Variants in GNG7 observed in about 807,000 individuals in gnomAD.
GNG7 encodes the protein guanine nucleotide-binding protein G(I)/G(S)/G(O) subunit gamma-7.
A neutral mutation model predicts 4.0 loss-of-function variants in GNG7; 1 was observed. The observed-to-expected ratio is 0.25, with a 90% CI of 0.09 to 1.18. GNG7 has a LOEUF of 1.18. GNG7 is among the 50% of genes most tolerant of loss of function. The pLI is 0.50. For synonymous variants in GNG7, 34 were observed against 36.9 expected (o/e 0.92, Z 0.29); for missense variants, 86 against 91.9 (o/e 0.94, Z 0.26).
At chr19:2,607,263 A>G (rs1981414638) in intron 2 of GNG7, among the ~76,000 whole-genome samples, 1 of 150,434 alleles carries the variant, frequency 6.6e-6, no homozygotes, top group Non-Finnish European at 1.5e-5. Context: ...CACACCTGTA[A>G]TCCCAGCACT....
chr19:2,513,098 G>A lies in GNG7; in HGVS notation c.*1924C>T, dbSNP rs535587793. 1.9e-5 allele frequency: 19 copies of A among 985,446 alleles called. No homozygotes were observed. In the African/African-American group the frequency reaches 3.0e-4, roughly 15 times the overall value. The allele number at this position is 985,446 out of a possible 1,614,324, so 61.0% of individuals were successfully genotyped here. ...CGGCTGTGGCCTGTGGGAGCTGCCC[G>A]AGGTTGAGGAGTGGAGGTCACTCCC... On this transcript the variant is annotated 3_prime_UTR_variant, in exon 5 of 5. Coordinates refer to ENST00000382159, the MANE Select transcript of GNG7 (RefSeq NM_052847.3).
At chr19:2,623,957 C>G (rs991990815) in intron 2 of GNG7, among the ~76,000 whole-genome samples, 1 of 152,146 alleles carries the variant, frequency 6.6e-6, no homozygotes, top group South Asian at 2.1e-4. Flanking sequence ...GACAGTCCAT[C>G]TGTTGATGGA....
chr19:2,699,359 G>T (rs1199573528), intron 1 of GNG7, among the ~76,000 whole-genome samples: 1 of 152,110 alleles, frequency 6.6e-6, no homozygotes, highest in Non-Finnish European at 1.5e-5. Flanking sequence ...ATGTTGGCCA[G>T]GATGGTCTTG....
chr19:2,555,909 G>A (rs549969201), intron 2 of GNG7, among the ~76,000 whole-genome samples: 362 of 151,814 alleles, frequency 2.4e-3, no homozygotes, highest in African/African-American at 8.2e-3. Flanking sequence ...CGGATCGCGA[G>A]GGGGGGCCCA....
At position 2,643,178 on chromosome 19, in the gene GNG7, G is replaced by T. The variant is rs76446395; in HGVS notation, c.-78+3046C>A. ...CCATGTGCACCAGAAATGCAAAGTC[G>T]GAGACCTCTCCGGGCTCTGCACACC... On this transcript the variant is annotated intron_variant, in intron 2 of 4. Coordinates refer to ENST00000382159, the MANE Select transcript of GNG7 (RefSeq NM_052847.3). The T allele has an allele frequency of 7.5e-3, 3,178 of 422,570 alleles. 14 individuals carry two copies. The highest frequency in any genetic ancestry group is 0.016 in the Middle Eastern group (47 of 2,904). 26.2% of individuals were successfully genotyped at this position (422,570 alleles called of 1,614,324 possible).
chr19:2,562,762 A>G (rs1979783047), intron 2 of GNG7, among the ~76,000 whole-genome samples: 1 of 152,270 alleles, frequency 6.6e-6, no homozygotes, highest in South Asian at 2.1e-4. Context: ...CTCTGCGTCC[A>G]TAATCCTCTG....
chr19:2,662,800 C>A (rs1983213417), intron 1 of GNG7, among the ~76,000 whole-genome samples: 1 of 152,132 alleles, frequency 6.6e-6, no homozygotes, highest in South Asian at 2.1e-4. Context: ...GCCCTTCTCC[C>A]CTCCCCAGAG....
intron 3 of GNG7, chr19:2,538,070 C>T: frequency 2.8e-6 from 1 of 362,386 alleles, no homozygotes. Flanking sequence ...GAGCAAGACT[C>T]TCTCTCAAAC....
intron 1 of GNG7, among the ~76,000 whole-genome samples, chr19:2,647,101 G>A (rs1053943999): frequency 3.9e-5 from 6 of 152,152 alleles, no homozygotes; most frequent in Non-Finnish European, 8.8e-5. Context: ...CGGGGGACTC[G>A]GGGGGACCCT....
At chr19:2,525,346 C>T (rs1201462239) in intron 3 of GNG7, among the ~76,000 whole-genome samples, 1 of 152,206 alleles carries the variant, frequency 6.6e-6, no homozygotes, top group African/African-American at 2.4e-5. Flanking sequence ...CCAGGCCAGG[C>T]TCTCCAAAAA....
chr19:2,650,261 C>T (rs947229885), intron 1 of GNG7, among the ~76,000 whole-genome samples: 51 of 149,888 alleles, frequency 3.4e-4, no homozygotes, highest in Non-Finnish European at 1.3e-4. Flanking sequence ...TCTCGGCTCA[C>T]GGCAACCTCC....
intron 1 of GNG7, among the ~76,000 whole-genome samples, chr19:2,688,812 T>A (rs931789976): frequency 2.6e-5 from 4 of 152,146 alleles, no homozygotes; most frequent in African/African-American, 9.7e-5. Context: ...CCGTCTGTCC[T>A]CCTAACACTT....
At chr19:2,690,155 A>G (rs1465495420) in intron 1 of GNG7, among the ~76,000 whole-genome samples, 2 of 151,924 alleles carry the variant, frequency 1.3e-5, no homozygotes, top group African/African-American at 4.8e-5. Context: ...GCCGAAGCGA[A>G]AGGATCACTT....
chr19:2,543,076 C>G (rs1046622780), intron 3 of GNG7, among the ~76,000 whole-genome samples: 5 of 151,792 alleles, frequency 3.3e-5, no homozygotes, highest in African/African-American at 1.2e-4. Context: ...CCACACCAGG[C>G]TTATTTTTTA....
intron 1 of GNG7, among the ~76,000 whole-genome samples, chr19:2,677,757 C>T (rs915875394): frequency 6.6e-6 from 1 of 152,008 alleles, no homozygotes; most frequent in Non-Finnish European, 1.5e-5. Flanking sequence ...GATTCTGCCC[C>T]CCATGGGGCA....
chr19:2,588,775 C>T (rs548224757), intron 2 of GNG7, among the ~76,000 whole-genome samples: 5 of 152,278 alleles, frequency 3.3e-5, no homozygotes, highest in South Asian at 2.1e-4. Flanking sequence ...CTGATCACAC[C>T]GCAGACCCCA....
At chr19:2,688,934 G>A (rs1913068306) in intron 1 of GNG7, among the ~76,000 whole-genome samples, 1 of 151,952 alleles carries the variant, frequency 6.6e-6, no homozygotes, top group South Asian at 2.1e-4. Flanking sequence ...GCACGGGGTT[G>A]CGTGCCTGTG....
Position 2,557,327 on chromosome 19 carries a change from A to G in GNG7, c.-77-2139T>C, listed in dbSNP as rs937759438. On this transcript the variant is annotated intron_variant, in intron 2 of 4. Coordinates refer to ENST00000382159, the MANE Select transcript of GNG7 (RefSeq NM_052847.3). This position sits in a 1 kb window ranked among gnomAD's most constrained non-coding sequence, Gnocchi z 5.1. Reference sequence around the variant, plus strand: ...CATACACGCACAGACACACATGTGCACACAGACACACACATGTGCACACAC... The same window carrying G: ...CATACACGCACAGACACACATGTGCGCACAGACACACACATGTGCACACAC... Among the ~76,000 whole-genome samples the G allele has an allele frequency of 2.2e-5, 2 of 92,012 alleles. No individual in the cohort carries two copies. The highest frequency in any genetic ancestry group is 1.1e-4 in the Admixed American group (1 of 8,868). The allele number at this position is 92,012 out of a possible 152,430, so 60.4% of individuals were successfully genotyped here.
intron 1 of GNG7, among the ~76,000 whole-genome samples, chr19:2,686,781 T>G (rs1326151760): frequency 6.7e-6 from 1 of 150,036 alleles, no homozygotes; most frequent in African/African-American, 2.5e-5. Context: ...AGACAGAGTC[T>G]CGCTCTCTCG....
Sources: allele counts gnomAD v4.1 joint callset (sites outside exome capture counted in the v4.1 genomes callset), GRCh38; gene constraint gnomAD v4.1.1; non-coding constraint Gnocchi (gnomAD v3.1); transcripts MANE v1.5; gene names NCBI Gene and HGNC (gene_info 2026-07-23, HGNC 2026-07-21).